GABRB2: variants seen among roughly 807,000 people sequenced by gnomAD.
The protein encoded by GABRB2 is gamma-aminobutyric acid type A receptor subunit beta2.
A neutral mutation model predicts 54.7 loss-of-function variants in GABRB2; 16 were observed. That is an observed-to-expected ratio of 0.29 (90% CI 0.20 to 0.44). The LOEUF is 0.44. Ranked by LOEUF, GABRB2 falls within the 20% of genes least tolerant of loss-of-function variation. The pLI is 1.00. For synonymous variants in GABRB2, 244 were observed against 233.8 expected, an observed-to-expected ratio of 1.04 and a Z score of -0.40; for missense variants, 355 against 644.0, an observed-to-expected ratio of 0.55 and a Z score of 4.86.
At chr5:161,437,664 C>T (rs920491510) in intron 4 of GABRB2, among the ~76,000 whole-genome samples, 4 of 152,186 alleles carry the variant, frequency 2.6e-5, no homozygotes, top group African/African-American at 9.6e-5. Context: ...AGAGGGGAGT[C>T]CACTACCCTG....
chr5:161,493,242 C>T (rs1262398971), intron 3 of GABRB2, among the ~76,000 whole-genome samples: 1 of 151,668 alleles, frequency 6.6e-6, no homozygotes, highest in East Asian at 1.9e-4. Context: ...AGCTGAGGAA[C>T]ATTTCACAAT....
chr5:161,443,679 TCTC>T (rs984214020), intron 4 of GABRB2, among the ~76,000 whole-genome samples: 17 of 152,164 alleles, frequency 1.1e-4, no homozygotes, highest in Admixed American at 2.0e-4. Context: ...GTGTTGTTGT[TCTC>T]CTCTGTTTTT....
intron 3 of GABRB2, among the ~76,000 whole-genome samples, chr5:161,462,611 A>G (rs763987255): frequency 1.4e-4 from 21 of 152,174 alleles, no homozygotes; most frequent in Non-Finnish European, 2.6e-4. Flanking sequence ...GTTTGGACAC[A>G]GGAAACTATC....
chr5:161,361,455 G>A (rs546554681), intron 5 of GABRB2, among the ~76,000 whole-genome samples: 3 of 152,114 alleles, frequency 2.0e-5, no homozygotes, highest in South Asian at 2.1e-4. Flanking sequence ...TCTGGATCAC[G>A]TTGGGGTATA....
At chr5:161,410,899 T>C in intron 5 of GABRB2, 76 bp downstream of exon 5, 1 of 1,123,672 alleles carries the variant, frequency 8.9e-7, no homozygotes, top group Non-Finnish European at 1.3e-6. Context: ...GGTCTGGACA[T>C]GAGCCAGGAC....
At chr5:161,450,224 G>A (rs1757752449) in intron 4 of GABRB2, among the ~76,000 whole-genome samples, 1 of 152,066 alleles carries the variant, frequency 6.6e-6, no homozygotes, top group East Asian at 1.9e-4. Flanking sequence ...CTGCCACAGC[G>A]AACTTTCATT....
chr5:161,419,863 G>A (rs536292337), intron 4 of GABRB2, among the ~76,000 whole-genome samples: 10 of 152,116 alleles, frequency 6.6e-5, no homozygotes, highest in Admixed American at 2.0e-4. Context: ...AAAGTTCAGC[G>A]TTCACTATTT....
At chr5:161,465,821 TAC>T (rs1758261810) in intron 3 of GABRB2, among the ~76,000 whole-genome samples, 1 of 152,168 alleles carries the variant, frequency 6.6e-6, no homozygotes, top group Non-Finnish European at 1.5e-5. Flanking sequence ...CAAAAACTAG[TAC>T]AGAGTTTCTG....
chr5:161,428,017 A>T (rs1757055080), intron 4 of GABRB2, among the ~76,000 whole-genome samples: 1 of 151,878 alleles, frequency 6.6e-6, no homozygotes, highest in Non-Finnish European at 1.5e-5. Flanking sequence ...TGCTTTTCCC[A>T]CTTCATCCCC....
upstream of GABRB2, chr5:161,546,975 G>A (rs925973316): frequency 1.1e-5 from 3 of 261,584 alleles, no homozygotes; most frequent in East Asian, 2.8e-4. Flanking sequence ...TTCGGTAGTT[G>A]CAAGAGGCAG....
At chr5:161,532,680 T>TG (rs1554106876) in intron 3 of GABRB2, among the ~76,000 whole-genome samples, 2 of 152,164 alleles carry the variant, frequency 1.3e-5, no homozygotes, top group Non-Finnish European at 2.9e-5. Context: ...GCAATTAAGA[T>TG]GATTCTTTCT....
intron 9 of GABRB2, among the ~76,000 whole-genome samples, chr5:161,321,448 G>C (rs1011205173): frequency 6.6e-6 from 1 of 152,002 alleles, no homozygotes; most frequent in Admixed American, 6.6e-5. Context: ...AGTTCTACGT[G>C]TTATCTTTAG....
chr5:161,344,901 G>A (rs1402219678), intron 5 of GABRB2, among the ~76,000 whole-genome samples: 3 of 152,082 alleles, frequency 2.0e-5, no homozygotes, highest in Non-Finnish European at 2.9e-5. Context: ...GCAGGGACAT[G>A]GATGAAGCTG....
At chr5:161,505,675 G>A (rs1408227439) in intron 3 of GABRB2, among the ~76,000 whole-genome samples, 2 of 152,062 alleles carry the variant, frequency 1.3e-5, no homozygotes, top group Non-Finnish European at 1.5e-5. Context: ...CTCATTAACT[G>A]AATAGAAAAG....
At chr5:161,429,010 A>T (rs1580978060) in intron 4 of GABRB2, among the ~76,000 whole-genome samples, 1 of 152,010 alleles carries the variant, frequency 6.6e-6, no homozygotes, top group East Asian at 1.9e-4. Flanking sequence ...TATGTTTATT[A>T]TTATTAGGCA....
chr5:161,546,457 G>A (rs1760988663), intron 1 of GABRB2, 44 bp from the exon 2 acceptor site: 2 of 1,589,736 alleles, frequency 1.3e-6, no homozygotes, highest in Middle Eastern at 1.7e-4. Flanking sequence ...TAAGGAAGCA[G>A]GCATAGCGTT....
chr5:161,361,720 T>C (rs1240840678), intron 5 of GABRB2, among the ~76,000 whole-genome samples: 2 of 152,298 alleles, frequency 1.3e-5, no homozygotes, highest in East Asian at 3.9e-4. Flanking sequence ...CATCTTCCTG[T>C]TTCTTCAGCA....
chr5:161,489,684 G>A (rs1326495290), intron 3 of GABRB2, among the ~76,000 whole-genome samples: 1 of 151,664 alleles, frequency 6.6e-6, no homozygotes, highest in African/African-American at 2.4e-5. Context: ...TGCACAGCAA[G>A]TTAAATGAAC....
At chr5:161,333,862 C>CA (rs1332112846) in intron 7 of GABRB2, among the ~76,000 whole-genome samples, 5 of 152,196 alleles carry the variant, frequency 3.3e-5, no homozygotes, top group African/African-American at 9.7e-5. Flanking sequence ...GAACTTCTAG[C>CA]AAACCCATGC....
Sources: allele counts gnomAD v4.1 joint callset (sites outside exome capture counted in the v4.1 genomes callset), GRCh38; gene constraint gnomAD v4.1.1; transcripts MANE v1.5; gene names NCBI Gene and HGNC (gene_info 2026-07-23, HGNC 2026-07-21).